CDC40: variants seen among roughly 807,000 people sequenced by gnomAD.
The protein encoded by CDC40 is pre-mRNA-processing factor 17.
Under a neutral mutation model 80.6 loss-of-function variants are expected in CDC40, and 27 were observed. That is an observed-to-expected ratio of 0.33 (90% CI 0.25 to 0.46). CDC40 has a LOEUF of 0.46. Ranked by LOEUF, CDC40 falls within the 20% of genes least tolerant of loss-of-function variation. The pLI is 1.00. For missense variants in CDC40, 486 were observed against 694.1 expected, an observed-to-expected ratio of 0.70 and a Z score of 3.37; for synonymous variants, 221 against 232.6, an observed-to-expected ratio of 0.95 and a Z score of 0.45.
intron 12 of CDC40, among the ~76,000 whole-genome samples, chr6:110,221,167 C>T (rs1777771094): frequency 6.6e-6 from 1 of 152,084 alleles, no homozygotes; most frequent in African/African-American, 2.4e-5. Context: ...TTTGTTAAAA[C>T]GAATGATTGG....
intron 6 of CDC40, chr6:110,211,304 A>G (rs573974989): frequency 6.6e-6 from 1 of 152,320 alleles, no homozygotes; most frequent in South Asian, 2.1e-4. Flanking sequence ...ATTCACCAAA[A>G]CAAATCGTAA....
chr6:110,203,219 ACTGT>A (rs774631855), intron 3 of CDC40, among the ~76,000 whole-genome samples: 39 of 152,186 alleles, frequency 2.6e-4, no homozygotes, highest in Non-Finnish European at 4.6e-4. Context: ...TAGTTTTAAC[ACTGT>A]CTGTTTTTTC....
In CDC40 at chr6:110,222,197, G is replaced by A. The variant is rs9400367; in HGVS notation, c.1340+2328G>A. 5.3e-5 allele frequency among the ~76,000 whole-genome samples: 8 copies of A among 152,240 alleles called. No homozygotes were observed. In the East Asian group the frequency reaches 1.5e-3, roughly 29 times the overall value. On this transcript the variant is annotated intron_variant, in intron 12 of 14. Coordinates refer to ENST00000307731, the MANE Select transcript of CDC40 (RefSeq NM_015891.3). ...TTGTGTCTGGGAGGTCAAGGCTGCC[G>A]TGGTCTATGCTTGTGCCACTGCACT...
chr6:110,223,152 A>G (rs1413180282), intron 12 of CDC40, among the ~76,000 whole-genome samples: 1 of 152,136 alleles, frequency 6.6e-6, no homozygotes, highest in African/African-American at 2.4e-5. Context: ...TGGTGCAGTC[A>G]TTGCTCACTG....
intron 1 of CDC40, among the ~76,000 whole-genome samples, chr6:110,187,955 T>C (rs965985939): frequency 6.6e-6 from 1 of 152,230 alleles, no homozygotes; most frequent in Non-Finnish European, 1.5e-5. Flanking sequence ...GTTGTGGTAT[T>C]GTCCAAGTTT....
intron 1 of CDC40, among the ~76,000 whole-genome samples, chr6:110,181,507 G>T (rs1777191533): frequency 6.6e-6 from 1 of 152,198 alleles, no homozygotes; most frequent in South Asian, 2.1e-4. Flanking sequence ...ATGTCCCCAA[G>T]TCTAGTTTAA....
rs1406884907 is a variant in CDC40, at chr6:110,226,212, C to G, written c.1386C>G (p.His462Gln). The change falls in exon 13 of 15, where the codon CAC (histidine) becomes CAG (glutamine). Residue 462 changes from histidine (H) to glutamine (Q), a missense_variant. Physicochemically the swap from His to Gln is conservative, Grantham distance 24. Around this residue, in one of 3 missense-constraint regions of CDC40, gnomAD observed 88 missense variants for 138.7 expected, o/e 0.63. Coordinates refer to ENST00000307731, the MANE Select transcript of CDC40 (RefSeq NM_015891.3). The part of the protein sequence containing the change: ...DFKYIAEPSM[H>Q]SMPAVTLSPN... ...AGTACATAGCAGAACCCAGTATGCA[C>G]TCAATGCCTGCAGTGACTTTGTCTC... is the stretch of plus-strand genomic sequence containing the variant. 28 of 1,609,006 alleles carry G rather than the reference C, an allele frequency of 1.7e-5. No individual in the cohort carries two copies. Among genetic ancestry groups the G allele is most frequent in the Non-Finnish European group, 2.4e-5 (28 of 1,176,204 alleles).
rs1777657052 is a variant in CDC40 at position 110,213,102 on chromosome 6, G to C, written c.884G>C (p.Arg295Thr). 3.1e-6 allele frequency: 5 copies of C among 1,610,792 alleles called. No individual in the cohort carries two copies. Among genetic ancestry groups the C allele is most frequent in the Non-Finnish European group, 4.2e-6 (5 of 1,176,954 alleles). ...TTTTTATAGGGCGTCAGTGCAGTCAGATTGTTTCCTCTCTCTGGCCATTTA... is the reference window on the plus strand; with the variant it reads ...TTTTTATAGGGCGTCAGTGCAGTCACATTGTTTCCTCTCTCTGGCCATTTA... ...SGHTKGVSAV[R>T]LFPLSGHLLL... is the part of the protein sequence containing the mutation. The change falls in exon 8 of 15, where the codon AGA becomes ACA. Residue 295 changes from arginine to threonine, a missense_variant. Coordinates refer to ENST00000307731, the MANE Select transcript of CDC40 (RefSeq NM_015891.3).
chr6:110,193,099 A>G lies in CDC40; in HGVS notation c.190-83A>G, dbSNP rs184781866. On this transcript the variant is annotated intron_variant, in intron 1 of 14. Coordinates refer to ENST00000307731, the MANE Select transcript of CDC40 (RefSeq NM_015891.3). ...TATAACCATAAAATAGATGTTAAAG[A>G]TGGCTAGTGTGACTTTAATGTGGCT... The G allele has an allele frequency of 4.4e-5, 34 of 771,382 alleles. No homozygotes were observed. The African/African-American group carries it at 5.6e-4, about 13-fold the overall frequency. The allele number at this position is 771,382 out of a possible 1,614,324, so 47.8% of individuals were successfully genotyped here. A position where few individuals can be genotyped will look rare whatever the true frequency, so the allele number is the denominator to read the frequency against.
chr6:110,202,018 G>A (rs1777499431), intron 3 of CDC40, among the ~76,000 whole-genome samples: 1 of 152,134 alleles, frequency 6.6e-6, no homozygotes, highest in African/African-American at 2.4e-5. Flanking sequence ...CAAATGAAAA[G>A]ATAGTGTTAA....
chr6:110,201,510 T>C, intron 2 of CDC40, 48 bp from the exon 3 acceptor site: 1 of 1,445,858 alleles, frequency 6.9e-7, no homozygotes, highest in Non-Finnish European at 9.4e-7. Context: ...ACTCAGAACT[T>C]TTGTGTCTTT....
At chr6:110,181,283 C>T (rs1472019713) in intron 1 of CDC40, among the ~76,000 whole-genome samples, 1 of 152,172 alleles carries the variant, frequency 6.6e-6, no homozygotes. Context: ...ATGGAGGAAG[C>T]TGATTAATAA....
chr6:110,206,783 C>T (rs1172637418), intron 3 of CDC40, among the ~76,000 whole-genome samples: 2 of 152,120 alleles, frequency 1.3e-5, no homozygotes, highest in African/African-American at 2.4e-5. Context: ...CTTAGCCCTG[C>T]AATATCTATT....
intron 12 of CDC40, among the ~76,000 whole-genome samples, chr6:110,222,788 C>G (rs1268187642): frequency 6.6e-6 from 1 of 152,174 alleles, no homozygotes; most frequent in Non-Finnish European, 1.5e-5. Context: ...TGCTTACTGT[C>G]TGTTCCCAGC....
chr6:110,184,167 C>T (rs749819672), intron 1 of CDC40, among the ~76,000 whole-genome samples: 3 of 152,122 alleles, frequency 2.0e-5, no homozygotes, highest in Admixed American at 6.5e-5. Context: ...GTCTATAGTG[C>T]GAACATTCTT....
intron 3 of CDC40, among the ~76,000 whole-genome samples, chr6:110,204,907 T>C (rs1371149071): frequency 6.6e-6 from 1 of 152,128 alleles, no homozygotes; most frequent in Non-Finnish European, 1.5e-5. Context: ...CCTCAAGTAA[T>C]CTGCCTTCCT....
At chr6:110,223,842 G>GTTTTGTT (rs1338482144) in intron 12 of CDC40, among the ~76,000 whole-genome samples, 2 of 149,846 alleles carry the variant, frequency 1.3e-5, no homozygotes, top group Non-Finnish European at 3.0e-5. Context: ...GTTTTGTTTT[G>GTTTTGTT]TTTTGTTTGA....
intron 13 of CDC40, 123 bp from the exon 14 acceptor site, chr6:110,228,709 T>G: frequency 1.5e-6 from 1 of 664,518 alleles, no homozygotes; most frequent in Non-Finnish European, 2.4e-6. Flanking sequence ...TAAATTTATT[T>G]TTTAGTATTA....
chr6:110,229,899 C>T (rs966575200), intron 14 of CDC40, 55 bp from the exon 15 acceptor site: 103 of 1,227,156 alleles, frequency 8.4e-5, no homozygotes, highest in Non-Finnish European at 1.2e-4. Context: ...TCCTCATTCG[C>T]CTTACCAATT....
Sources: allele counts gnomAD v4.1 joint callset (sites outside exome capture counted in the v4.1 genomes callset), GRCh38; gene constraint gnomAD v4.1.1; regional missense constraint gnomAD v4.1.1; transcripts MANE v1.5; gene names NCBI Gene and HGNC (gene_info 2026-07-23, HGNC 2026-07-21).